Variants in COLEC12 observed in about 807,000 individuals in gnomAD.
COLEC12 encodes the protein collectin-12.
COLEC12 carries 33 observed loss-of-function variants against 71.1 expected under a neutral mutation model. That is an observed-to-expected ratio of 0.46 (90% CI 0.35 to 0.62). The LOEUF (loss-of-function observed/expected upper bound fraction) is 0.62. Ranked by LOEUF, COLEC12 falls within the 20% of genes least tolerant of loss-of-function variation. The pLI is 0.00. For synonymous variants in COLEC12, 350 were observed against 353.0 expected, an observed-to-expected ratio of 0.99 and a Z score of 0.10; for missense variants, 765 against 916.1, an observed-to-expected ratio of 0.84 and a Z score of 2.13.
intron 2 of COLEC12, among the ~76,000 whole-genome samples, chr18:380,477 A>G (rs1192941655): frequency 3.5e-5 from 2 of 57,600 alleles, no homozygotes; most frequent in Admixed American, 4.6e-4. Context: ...TGTAATAGGG[A>G]CAAGAATGGT....
rs1486355869 is a variant in COLEC12, at chr18:318,770, GGCATGA to G, written c.*1269_*1274del. ...GGCCTCCCAAAGTGCTGGGATTACAGGCATGAGCCACTGCGCCCGGCTGGAAAGGTT... is the reference window on the plus strand; with the variant it reads ...GGCCTCCCAAAGTGCTGGGATTACAGGCCACTGCGCCCGGCTGGAAAGGTT... On this transcript the variant is annotated 3_prime_UTR_variant, in exon 10 of 10. Coordinates refer to ENST00000400256, the MANE Select transcript of COLEC12 (RefSeq NM_130386.3). The G allele has an allele frequency of 3.3e-5, 5 of 152,194 alleles. No individual in the cohort carries two copies. The highest frequency in any genetic ancestry group is 5.9e-5 in the Non-Finnish European group (4 of 68,068). The allele number at this position is 152,194 out of a possible 1,614,324, so 9.4% of individuals were successfully genotyped here. A position where few individuals can be genotyped will look rare whatever the true frequency, so the allele number is the denominator to read the frequency against.
intron 2 of COLEC12, among the ~76,000 whole-genome samples, chr18:420,732 T>G (rs1001184862): frequency 2.6e-5 from 4 of 152,184 alleles, no homozygotes; most frequent in African/African-American, 9.7e-5. Context: ...TTTTTGTATA[T>G]TATGATGATG....
chr18:438,662 T>G (rs1916452256), intron 2 of COLEC12, among the ~76,000 whole-genome samples: 1 of 151,854 alleles, frequency 6.6e-6, no homozygotes, highest in South Asian at 2.1e-4. Context: ...AATTAAAAAG[T>G]TAGCCAGGCA....
At chr18:320,196 C>A in intron 9 of COLEC12, 132 bp from the exon 10 acceptor site, 1 of 565,514 alleles carries the variant, frequency 1.8e-6, no homozygotes, top group South Asian at 2.5e-5. Flanking sequence ...CTTATATTTT[C>A]AAAGAAATGT....
chr18:465,935 G>A (rs1017016115), intron 2 of COLEC12, among the ~76,000 whole-genome samples: 1 of 152,144 alleles, frequency 6.6e-6, no homozygotes, highest in Non-Finnish European at 1.5e-5. Flanking sequence ...TTAGCCGGGC[G>A]TGGGGGCACA....
chr18:321,913 T>C, intron 8 of COLEC12, 106 bp from the exon 9 acceptor site: 2 of 1,083,998 alleles, frequency 1.8e-6, no homozygotes, highest in Non-Finnish European at 2.7e-6. Flanking sequence ...GCATGTCATT[T>C]ATCCTGGAAT....
intron 1 of COLEC12, among the ~76,000 whole-genome samples, chr18:485,239 C>G (rs1305658010): frequency 4.6e-5 from 7 of 152,182 alleles, no homozygotes; most frequent in Admixed American, 4.6e-4. Flanking sequence ...TAAGGAGATT[C>G]TTCTGAGGTC....
intron 9 of COLEC12, 131 bp downstream of exon 9, chr18:321,531 T>A: frequency 1.1e-6 from 1 of 906,234 alleles, no homozygotes; most frequent in Non-Finnish European, 1.7e-6. Context: ...ACCTGCCCAG[T>A]TAATAAATGG....
intron 2 of COLEC12, among the ~76,000 whole-genome samples, chr18:406,675 CCTT>C (rs1390470459): frequency 6.6e-6 from 1 of 152,236 alleles, no homozygotes. Flanking sequence ...GATCCAAGAA[CCTT>C]CTCTCAGGGT....
At position 372,898 on chromosome 18, in the gene COLEC12, C is replaced by G. The variant is rs1598342725; in HGVS notation, c.59-15376G>C. On this transcript the variant is annotated intron_variant, in intron 2 of 9. Coordinates refer to ENST00000400256, the MANE Select transcript of COLEC12 (RefSeq NM_130386.3). The stretch of plus-strand genomic sequence containing the variant: ...AGTCCCATATTCCAGCAGAAGAGTG[C>G]TTCTGGACAAATGTGTTAAACCTTC... 4.6e-5 allele frequency among the ~76,000 whole-genome samples: 7 copies of G among 152,298 alleles called. No homozygotes were observed. The South Asian group carries it at 1.5e-3, about 32-fold the overall frequency.
At chr18:434,195 T>C (rs186535103) in intron 2 of COLEC12, among the ~76,000 whole-genome samples, 1 of 152,268 alleles carries the variant, frequency 6.6e-6, no homozygotes, top group African/African-American at 2.4e-5. Flanking sequence ...GTCATTCTCA[T>C]TGTCTGAGAA....
chr18:479,247 T>C (rs539053616), intron 2 of COLEC12, among the ~76,000 whole-genome samples: 3 of 152,024 alleles, frequency 2.0e-5, no homozygotes, highest in East Asian at 3.9e-4. Flanking sequence ...CGCAGAAACA[T>C]GGAATCGTGT....
At position 327,585 on chromosome 18, in the gene COLEC12, T is replaced by C. The variant is rs1265683205; in HGVS notation, c.2063+4083A>G. On this transcript the variant is annotated intron_variant, in intron 8 of 9. Transcript: ENST00000400256. This position sits in a 1 kb window ranked among gnomAD's most constrained non-coding sequence, Gnocchi z 4.0. ...CTTTGGCTTCTGTTCCATGTCACTA[T>C]TGCCTTCTGTCTGTTCCAGCACTCT... Among the ~76,000 whole-genome samples the C allele has an allele frequency of 6.6e-6, 1 of 152,254 alleles. No homozygotes were observed. The highest frequency in any genetic ancestry group is 6.5e-5 in the Admixed American group (1 of 15,288).
intron 2 of COLEC12, among the ~76,000 whole-genome samples, chr18:406,515 C>CAAAAAAAAAAAAAAAAAAAAAAA (rs34263909): frequency 2.2e-5 from 2 of 90,460 alleles, no homozygotes; most frequent in African/African-American, 9.7e-5. Context: ...GACTCCGTCT[C>CAAAAAAAAAAAAAAAAAAAAAAA]AAAAAAAAAA....
chr18:343,886 A>G (rs1047661123), intron 5 of COLEC12, among the ~76,000 whole-genome samples: 4 of 152,240 alleles, frequency 2.6e-5, no homozygotes, highest in Admixed American at 1.3e-4. Context: ...AAAAGTGCTC[A>G]GTACATTCAC....
intron 1 of COLEC12, among the ~76,000 whole-genome samples, chr18:497,881 A>G (rs1917742403): frequency 6.6e-6 from 1 of 152,250 alleles, no homozygotes; most frequent in African/African-American, 2.4e-5. Flanking sequence ...TGGTAAAAGC[A>G]GCTTTCCGTT....
chr18:464,362 C>T (rs112052700), intron 2 of COLEC12, among the ~76,000 whole-genome samples: 75 of 152,272 alleles, frequency 4.9e-4, no homozygotes, highest in African/African-American at 1.6e-3. Flanking sequence ...TGTATATGTG[C>T]TTCCCTCCTT....
intron 2 of COLEC12, among the ~76,000 whole-genome samples, chr18:391,457 T>C (rs1387929231): frequency 6.6e-6 from 1 of 152,232 alleles, no homozygotes; most frequent in Non-Finnish European, 1.5e-5. Context: ...GGTCCACCTA[T>C]GGTACTGAGG....
chr18:445,051 AT>A (rs1916619343), intron 2 of COLEC12, among the ~76,000 whole-genome samples: 2 of 152,144 alleles, frequency 1.3e-5, no homozygotes, highest in South Asian at 4.1e-4. Context: ...TTCACAGTTC[AT>A]TTCTTCCTGT....
Sources: allele counts gnomAD v4.1 joint callset (sites outside exome capture counted in the v4.1 genomes callset), GRCh38; gene constraint gnomAD v4.1.1; non-coding constraint Gnocchi (gnomAD v3.1); transcripts MANE v1.5; gene names NCBI Gene and HGNC (gene_info 2026-07-23, HGNC 2026-07-21).